The following DOCK3 variants were observed in gnomAD, a reference collection of about 807,000 sequenced individuals.
DOCK3 encodes dedicator of cytokinesis protein 3.
In DOCK3, 60 loss-of-function variants were observed where a neutral mutation model predicts 265.6. That is an observed-to-expected ratio of 0.23 (90% CI 0.18 to 0.28). The LOEUF is 0.28. DOCK3 is among the 10% of genes least tolerant of loss of function. The pLI, the probability that DOCK3 is intolerant of heterozygous loss-of-function variation, is 1.00. For missense variants in DOCK3, 1,981 were observed against 2,594.3 expected, an observed-to-expected ratio of 0.76 and a Z score of 5.14; for synonymous variants, 881 against 938.0, an observed-to-expected ratio of 0.94 and a Z score of 1.11.
At chr3:50,904,274 A>G (rs2049355492) in intron 4 of DOCK3, among the ~76,000 whole-genome samples, 1 of 152,200 alleles carries the variant, frequency 6.6e-6, no homozygotes, top group African/African-American at 2.4e-5. Context: ...TTGGGTATAT[A>G]CCCAGTAATG....
chr3:51,251,908 T>G (rs138830544), intron 22 of DOCK3, among the ~76,000 whole-genome samples: 128 of 152,344 alleles, frequency 8.4e-4, no homozygotes, highest in African/African-American at 2.9e-3. Flanking sequence ...GCCATTACTT[T>G]TGGTGTTTTA....
chr3:50,868,234 C>G (rs1004072433), intron 3 of DOCK3, among the ~76,000 whole-genome samples: 6 of 152,198 alleles, frequency 3.9e-5, no homozygotes, highest in Admixed American at 3.9e-4. Flanking sequence ...CCACCACACC[C>G]AGCTAATTTT....
chr3:50,763,074 T>C (rs796086983), intron 1 of DOCK3, among the ~76,000 whole-genome samples: 1 of 152,078 alleles, frequency 6.6e-6, no homozygotes, highest in Non-Finnish European at 1.5e-5. Context: ...ATAAGCCCAT[T>C]GTAAAGTCAA....
At position 50,881,822 on chromosome 3, in the gene DOCK3, A is replaced by G. The variant is rs1473700068; in HGVS notation, c.163-8204A>G. ...CGCATTGCCCAGACAATCCTCAGCC[A>G]AAAGAACAAAGCTGGAGGCATCATG... On this transcript the variant is annotated intron_variant, in intron 3 of 52. Transcript: ENST00000266037. Among the ~76,000 whole-genome samples, 5 of 152,334 alleles carry G rather than the reference A, an allele frequency of 3.3e-5. No homozygotes were observed. In the East Asian group the frequency reaches 7.7e-4, roughly 23 times the overall value.
intron 4 of DOCK3, chr3:50,898,497 T>C (rs574813463): frequency 1.3e-5 from 2 of 152,428 alleles, no homozygotes; most frequent in East Asian, 3.9e-4. Context: ...GCTCTGATCT[T>C]AGTTATTTCT....
Position 51,214,264 on chromosome 3 carries a change from G to C in DOCK3, c.1252+17G>C. 1 of 1,612,746 alleles carries C rather than the reference G, an allele frequency of 6.2e-7. No individual in the cohort carries two copies. The highest frequency in any genetic ancestry group is 8.5e-7 in the Non-Finnish European group (1 of 1,179,296). On this transcript the variant is annotated intron_variant, in intron 14 of 52. Coordinates refer to ENST00000266037, the MANE Select transcript of DOCK3 (RefSeq NM_004947.5). ...TTATGCCAGGTATGCAGAACTGCTTGGGGCTGGGAAGGAAGATGGGTTAGG... is the reference window on the plus strand; with the variant it reads ...TTATGCCAGGTATGCAGAACTGCTTCGGGCTGGGAAGGAAGATGGGTTAGG...
chr3:50,914,282 C>T (rs1197173137), intron 4 of DOCK3, among the ~76,000 whole-genome samples: 1 of 151,404 alleles, frequency 6.6e-6, no homozygotes, highest in East Asian at 1.9e-4. Flanking sequence ...TCTTGTTGTT[C>T]ATTTGAGGTT....
intron 5 of DOCK3, among the ~76,000 whole-genome samples, chr3:50,966,032 T>C (rs1484203507): frequency 1.6e-3 from 1 of 616 alleles, no homozygotes; most frequent in East Asian, 0.12. Flanking sequence ...TAAGAGTTCT[T>C]TTTTTTTTTT....
chr3:51,150,053 C>G (rs938567771), intron 10 of DOCK3, among the ~76,000 whole-genome samples: 2 of 152,086 alleles, frequency 1.3e-5, no homozygotes, highest in Non-Finnish European at 2.9e-5. Flanking sequence ...CAACTTCTTC[C>G]TGGTTTAGTC....
chr3:51,011,171 T>A (rs2078934748), intron 5 of DOCK3, among the ~76,000 whole-genome samples: 1 of 152,160 alleles, frequency 6.6e-6, no homozygotes, highest in Non-Finnish European at 1.5e-5. Context: ...TGGCGTGTCT[T>A]GCTAGGTTGG....
At chr3:51,089,898 CAAAAAAAAAAA>C (rs1166631932) in intron 8 of DOCK3, among the ~76,000 whole-genome samples, 1 of 42,308 alleles carries the variant, frequency 2.4e-5, no homozygotes, top group African/African-American at 9.4e-5. Context: ...GACTCTGTCT[CAAAAAAAAAAA>C]AAAAAAAAAA....
intron 22 of DOCK3, among the ~76,000 whole-genome samples, chr3:51,250,188 T>G (rs1314360479): frequency 1.3e-5 from 2 of 151,248 alleles, no homozygotes; most frequent in Non-Finnish European, 3.0e-5. Context: ...TGTTCACTTG[T>G]TTATCTGCTG....
At chr3:51,258,054 A>G (rs1462167307) in intron 22 of DOCK3, among the ~76,000 whole-genome samples, 1 of 152,142 alleles carries the variant, frequency 6.6e-6, no homozygotes. Context: ...CTCCTCTGCT[A>G]GTTGTCTTAT....
intron 32 of DOCK3, among the ~76,000 whole-genome samples, chr3:51,321,858 G>A (rs549510893): frequency 7.9e-5 from 12 of 152,262 alleles, no homozygotes; most frequent in East Asian, 1.9e-4. Context: ...TTTGATTGGC[G>A]TACCTGAAAG....
At position 51,150,461 on chromosome 3, in the gene DOCK3, C is replaced by T. The variant is rs547951994; in HGVS notation, c.828+3831C>T. On this transcript the variant is annotated intron_variant, in intron 10 of 52. Coordinates refer to ENST00000266037, the MANE Select transcript of DOCK3 (RefSeq NM_004947.5). ...CAATTTTAGATCTTTCCTGCTTTCT[C>T]TTGTGGGCATTTAGTGCTATACATT... Among the ~76,000 whole-genome samples, 6 of 152,326 alleles carry T rather than the reference C, an allele frequency of 3.9e-5. No homozygotes were observed. In the East Asian group the frequency reaches 1.2e-3, roughly 29 times the overall value.
chr3:50,843,005 C>T (rs573482047), intron 3 of DOCK3, among the ~76,000 whole-genome samples: 2 of 152,234 alleles, frequency 1.3e-5, no homozygotes, highest in East Asian at 1.9e-4. Context: ...GGACTGTGCT[C>T]ATTAAAATTA....
In DOCK3 at chr3:50,746,048, T is replaced by C. The variant is rs181101685; in HGVS notation, c.38-32627T>C. On this transcript the variant is annotated intron_variant, in intron 1 of 52. Coordinates refer to ENST00000266037, the MANE Select transcript of DOCK3 (RefSeq NM_004947.5). ...AGATTTTCTTTCAGTCTATGTCTTA[T>C]GTTTTCATTCTTTTTACAGTCTCAT... 3.1e-4 allele frequency among the ~76,000 whole-genome samples: 47 copies of C among 152,292 alleles called. 1 individual carries two copies. The East Asian group carries it at 7.1e-3, about 23-fold the overall frequency.
chr3:51,172,652 CT>C (rs1287572717), intron 12 of DOCK3, among the ~76,000 whole-genome samples: 2 of 152,092 alleles, frequency 1.3e-5, no homozygotes, highest in African/African-American at 4.8e-5. Flanking sequence ...ATTTTGTTCA[CT>C]GTTCTATGAT....
intron 1 of DOCK3, among the ~76,000 whole-genome samples, chr3:50,681,513 A>T (rs2034409358): frequency 6.6e-6 from 1 of 152,164 alleles, no homozygotes; most frequent in Middle Eastern, 3.2e-3. Flanking sequence ...TATGCATTTA[A>T]TTGTTTTGCA....
Sources: gnomAD v4.1 joint callset for allele counts (sites outside exome capture counted in the v4.1 genomes callset) on GRCh38, gnomAD v4.1.1 for gene constraint, MANE v1.5 for transcripts, NCBI Gene and HGNC (gene_info 2026-07-23, HGNC 2026-07-21) for gene names.